Variants in NR3C2 observed in about 807,000 individuals in gnomAD.
The protein encoded by NR3C2 is mineralocorticoid receptor.
In NR3C2, 15 loss-of-function variants were observed where a neutral mutation model predicts 86.4. The ratio of observed to expected loss-of-function variants is 0.17; its 90% CI spans 0.12 to 0.27. The LOEUF (loss-of-function observed/expected upper bound fraction) is 0.27, where lower values mean the gene tolerates loss of function less well. NR3C2 is among the 10% of genes least tolerant of loss of function. NR3C2 has a pLI of 1.00. For synonymous variants in NR3C2, 458 were observed against 450.5 expected (o/e 1.02, Z -0.21); for missense variants, 960 against 1,195.6 (o/e 0.80, Z 2.91).
chr4:148,171,795 T>G (rs1735140296), intron 4 of NR3C2, among the ~76,000 whole-genome samples: 1 of 152,204 alleles, frequency 6.6e-6, no homozygotes, highest in African/African-American at 2.4e-5. Flanking sequence ...CCACTGTCTT[T>G]GTGTTCACGG....
chr4:148,223,823 A>G, intron 3 of NR3C2, among the ~76,000 whole-genome samples: 1 of 152,234 alleles, frequency 6.6e-6, no homozygotes, highest in Non-Finnish European at 1.5e-5. Flanking sequence ...TGTTATCATT[A>G]ACAGTGATGT....
chr4:148,312,536 T>C (rs549191147), intron 2 of NR3C2, among the ~76,000 whole-genome samples: 2 of 152,310 alleles, frequency 1.3e-5, no homozygotes, highest in South Asian at 4.2e-4. Context: ...TAGCTTCTAG[T>C]ACAGTATCTG....
chr4:148,353,401 T>C (rs999710450), intron 2 of NR3C2, among the ~76,000 whole-genome samples: 4 of 152,070 alleles, frequency 2.6e-5, no homozygotes, highest in Non-Finnish European at 1.5e-5. Flanking sequence ...TAATAGAAGA[T>C]TGTTTAAATA....
chr4:148,240,331 A>T (rs1260568245), intron 3 of NR3C2, among the ~76,000 whole-genome samples: 1 of 151,504 alleles, frequency 6.6e-6, no homozygotes, highest in East Asian at 1.9e-4. Context: ...TTACACTTAC[A>T]GAACATCTCA....
In NR3C2 at chr4:148,380,212, CTA is replaced by C. The variant is rs1287159811; in HGVS notation, c.1757+54890_1757+54891del. Among the ~76,000 whole-genome samples, 4 of 152,210 alleles carry C rather than the reference CTA, an allele frequency of 2.6e-5. No homozygotes were observed. The South Asian group carries it at 8.3e-4, about 32-fold the overall frequency. On this transcript the variant is annotated intron_variant, in intron 2 of 8. Transcript: ENST00000358102. The stretch of plus-strand genomic sequence containing the variant: ...TACTTCACATAAATGGAATCAGACA[CTA>C]TGTGGCCTCTTGTGCTTGGCTTCTT...
At chr4:148,167,631 G>A (rs1734937796) in intron 4 of NR3C2, among the ~76,000 whole-genome samples, 1 of 152,108 alleles carries the variant, frequency 6.6e-6, no homozygotes, top group Non-Finnish European at 1.5e-5. Flanking sequence ...TTATTGCATG[G>A]CACACAGTAG....
intron 8 of NR3C2, among the ~76,000 whole-genome samples, chr4:148,088,490 A>C (rs1350900414): frequency 6.6e-6 from 1 of 152,262 alleles, no homozygotes; most frequent in Admixed American, 6.5e-5. Context: ...GATAGAATGG[A>C]TAAAGAAAAT....
At chr4:148,232,597 C>T (rs1347509096) in intron 3 of NR3C2, among the ~76,000 whole-genome samples, 6 of 152,266 alleles carry the variant, frequency 3.9e-5, no homozygotes, top group Admixed American at 3.3e-4. Flanking sequence ...CTGGCTTTAA[C>T]ATAAAGTCAC....
chr4:148,435,401 C>T lies in NR3C2; in HGVS notation c.1460G>A (p.Ser487Asn). 1 of 1,614,052 alleles carries T rather than the reference C, an allele frequency of 6.2e-7. No individual in the cohort carries two copies. The highest frequency in any genetic ancestry group is 1.1e-5 in the South Asian group (1 of 91,090). The change falls in exon 2 of 9, where the codon AGC (serine) becomes AAC (asparagine). Residue 487 changes from serine to asparagine, a missense_variant. This residue lies in a region of NR3C2 where 680 missense variants were observed against 719.0 expected (regional missense o/e 0.95). Transcript: ENST00000358102. ...VPGFDGNCEG[S>N]GFPVGIKQEP... ...TTGTTTAATACCCACTGGGAATCCG[C>T]TGCCTTCACAGTTACCATCAAAGCC...
At chr4:148,105,858 G>C (rs1236659370) in intron 8 of NR3C2, among the ~76,000 whole-genome samples, 3 of 152,104 alleles carry the variant, frequency 2.0e-5, no homozygotes, top group African/African-American at 7.2e-5. Context: ...CAATAAACTA[G>C]GTATTGATGG....
rs972205284 is a variant in NR3C2, at chr4:148,303,109, T to C, written c.1758-42992A>G. On this transcript the variant is annotated intron_variant, in intron 2 of 8. Coordinates refer to ENST00000358102, the MANE Select transcript of NR3C2 (RefSeq NM_000901.5). ...AGGCCAAGTATAAGACTAAAGTCTATTTTGCAAACAACTCAGTGCTATCAT... is the reference window on the plus strand; with the variant it reads ...AGGCCAAGTATAAGACTAAAGTCTACTTTGCAAACAACTCAGTGCTATCAT... 3.3e-5 allele frequency among the ~76,000 whole-genome samples: 5 copies of C among 152,198 alleles called. No individual in the cohort carries two copies. In the East Asian group the frequency reaches 5.8e-4, roughly 18 times the overall value.
At position 148,383,564 on chromosome 4, in the gene NR3C2, A is replaced by G. The variant is rs944282380; in HGVS notation, c.1757+51540T>C. Among the ~76,000 whole-genome samples, 5 of 152,232 alleles carry G rather than the reference A, an allele frequency of 3.3e-5. 1 individual carries two copies. In the South Asian group the frequency reaches 1.0e-3, roughly 32 times the overall value. ...TGCTTGAGTAGGAATTTACCATACCAAAATGTAAACTAACATTACCAGTGC... is the reference window on the plus strand; with the variant it reads ...TGCTTGAGTAGGAATTTACCATACCGAAATGTAAACTAACATTACCAGTGC... On this transcript the variant is annotated intron_variant, in intron 2 of 8. Coordinates refer to ENST00000358102, the MANE Select transcript of NR3C2 (RefSeq NM_000901.5).
At chr4:148,377,613 C>T (rs1314151213) in intron 2 of NR3C2, among the ~76,000 whole-genome samples, 2 of 152,056 alleles carry the variant, frequency 1.3e-5, no homozygotes, top group African/African-American at 2.4e-5. Context: ...AGGTAGTGTC[C>T]TATATCATAG....
At chr4:148,422,746 G>A (rs1038586071) in intron 2 of NR3C2, among the ~76,000 whole-genome samples, 6 of 152,254 alleles carry the variant, frequency 3.9e-5, no homozygotes, top group Non-Finnish European at 8.8e-5. Context: ...TGCCAAACCA[G>A]TAGTTGGCTC....
At chr4:148,104,329 G>GTGTTTTGGTT (rs57371392) in intron 8 of NR3C2, among the ~76,000 whole-genome samples, 14,350 of 123,404 alleles carry the variant, frequency 0.12, 1,080 homozygotes, top group African/African-American at 0.14. Flanking sequence ...TTGTTTTTTT[G>GTGTTTTGGTT]TGTTTTGGTT....
intron 2 of NR3C2, among the ~76,000 whole-genome samples, chr4:148,389,605 A>G (rs1348732114): frequency 6.6e-6 from 1 of 152,180 alleles, no homozygotes; most frequent in Non-Finnish European, 1.5e-5. Flanking sequence ...GTTACAGGAA[A>G]AAGCCCTCAT....
intron 6 of NR3C2, among the ~76,000 whole-genome samples, chr4:148,145,004 A>T (rs1733798024): frequency 6.6e-6 from 1 of 152,200 alleles, no homozygotes; most frequent in Non-Finnish European, 1.5e-5. Context: ...GCCACCAGGA[A>T]TGTCAGGCGA....
At chr4:148,143,288 T>C (rs906768511) in intron 6 of NR3C2, among the ~76,000 whole-genome samples, 6 of 152,188 alleles carry the variant, frequency 3.9e-5, no homozygotes, top group African/African-American at 2.4e-5. Flanking sequence ...AGAAAAGCTC[T>C]TGAGGAAATT....
intron 2 of NR3C2, among the ~76,000 whole-genome samples, chr4:148,318,679 G>GA (rs1470953693): frequency 6.6e-6 from 1 of 152,156 alleles, no homozygotes; most frequent in Non-Finnish European, 1.5e-5. Flanking sequence ...GTCTTCTTAT[G>GA]AAAAGTGTCT....
Sources: allele counts gnomAD v4.1 joint callset (sites outside exome capture counted in the v4.1 genomes callset), GRCh38; gene constraint gnomAD v4.1.1; regional missense constraint gnomAD v4.1.1; transcripts MANE v1.5; gene names NCBI Gene and HGNC (gene_info 2026-07-23, HGNC 2026-07-21).